The following JARID2 variants were observed in gnomAD, a reference collection of about 807,000 sequenced individuals.
JARID2 encodes the protein protein Jumonji.
In JARID2, 21 loss-of-function variants were observed where a neutral mutation model predicts 125.6. The ratio of observed to expected loss-of-function variants is 0.17; its 90% CI spans 0.12 to 0.24. The LOEUF (loss-of-function observed/expected upper bound fraction) is 0.24, where lower values mean the gene tolerates loss of function less well. JARID2 is among the 10% of genes least tolerant of loss of function. The pLI is 1.00. For synonymous variants in JARID2, 736 were observed against 661.6 expected, an observed-to-expected ratio of 1.11 and a Z score of -1.73; for missense variants, 1,303 against 1,639.6, an observed-to-expected ratio of 0.79 and a Z score of 3.55.
At chr6:15,414,638 C>T (rs1406875904) in intron 3 of JARID2, among the ~76,000 whole-genome samples, 3 of 152,146 alleles carry the variant, frequency 2.0e-5, no homozygotes, top group Admixed American at 1.3e-4. Flanking sequence ...GCTGTGTTCA[C>T]GGAAAGGGCA....
At chr6:15,420,003 A>G (rs1357820122) in intron 3 of JARID2, among the ~76,000 whole-genome samples, 1 of 152,210 alleles carries the variant, frequency 6.6e-6, no homozygotes, top group African/African-American at 2.4e-5. Context: ...AAGTTGTCCC[A>G]TAGCTCATGT....
At position 15,294,367 on chromosome 6, in the gene JARID2, T is replaced by G. The variant is rs1303505965; in HGVS notation, c.45+47783T>G. ...GCCAGCACACCCGGCTAATTTTTTG[T>G]ATTTTTAGTAGAGATAGGGTTTCAC... On this transcript the variant is annotated intron_variant, in intron 1 of 17. Coordinates refer to ENST00000341776, the MANE Select transcript of JARID2 (RefSeq NM_004973.4). Among the ~76,000 whole-genome samples, 3 of 152,226 alleles carry G rather than the reference T, an allele frequency of 2.0e-5. No individual in the cohort carries two copies. In the East Asian group the frequency reaches 5.8e-4, roughly 29 times the overall value.
chr6:15,478,527 T>C (rs1010973373), intron 5 of JARID2, among the ~76,000 whole-genome samples: 5 of 152,094 alleles, frequency 3.3e-5, no homozygotes, highest in African/African-American at 1.2e-4. Flanking sequence ...CTAACTCGCA[T>C]GTGCATATTT....
intron 2 of JARID2, among the ~76,000 whole-genome samples, chr6:15,390,458 G>T (rs973429449): frequency 6.6e-6 from 1 of 152,128 alleles, no homozygotes; most frequent in African/African-American, 2.4e-5. Flanking sequence ...AGCCTTCTGG[G>T]GTCTCCCTTT....
chr6:15,326,254 G>A (rs989706489), intron 1 of JARID2, among the ~76,000 whole-genome samples: 11 of 152,166 alleles, frequency 7.2e-5, no homozygotes, highest in Non-Finnish European at 1.2e-4. Context: ...ACAGGGTGGA[G>A]TTCAGTGGTG....
At chr6:15,248,915 G>GATGC in intron 1 of JARID2, 1 of 985,710 alleles carries the variant, frequency 1.0e-6, no homozygotes, top group Non-Finnish European at 1.2e-6. Flanking sequence ...AGAGGAGGAA[G>GATGC]ATGCGCTCGG....
chr6:15,449,219 G>A (rs1211995045), intron 3 of JARID2, among the ~76,000 whole-genome samples: 1 of 152,162 alleles, frequency 6.6e-6, no homozygotes, highest in Admixed American at 6.5e-5. Flanking sequence ...CATAGAGATA[G>A]TGGCATTGCC....
intron 3 of JARID2, among the ~76,000 whole-genome samples, chr6:15,435,606 A>G (rs1767167416): frequency 6.6e-6 from 1 of 152,070 alleles, no homozygotes; most frequent in Admixed American, 6.6e-5. Context: ...TTCCATCAGT[A>G]ATTTCTTGTT....
chr6:15,360,914 T>G (rs563698403), intron 1 of JARID2, among the ~76,000 whole-genome samples: 1 of 152,382 alleles, frequency 6.6e-6, no homozygotes, highest in Admixed American at 6.5e-5. Flanking sequence ...CTCCTGACTT[T>G]TAAATCAATA....
intron 1 of JARID2, among the ~76,000 whole-genome samples, chr6:15,302,153 T>C (rs567774404): frequency 2.0e-5 from 3 of 152,322 alleles, no homozygotes; most frequent in South Asian, 2.1e-4. Context: ...CAGTGGCTCA[T>C]GCCTGTAATC....
chr6:15,311,287 G>T (rs188477116), intron 1 of JARID2, among the ~76,000 whole-genome samples: 2 of 152,172 alleles, frequency 1.3e-5, no homozygotes, highest in East Asian at 3.9e-4. Context: ...ATTAGAAAAA[G>T]TCTGAAGAGG....
At chr6:15,318,109 C>G (rs190627683) in intron 1 of JARID2, among the ~76,000 whole-genome samples, 1 of 152,098 alleles carries the variant, frequency 6.6e-6, no homozygotes, top group Non-Finnish European at 1.5e-5. Flanking sequence ...ACTGGGGAGG[C>G]TGAGGCAGGA....
At position 15,452,047 on chromosome 6, in the gene JARID2, C is replaced by T. The variant is rs770962845; in HGVS notation, c.365C>T (p.Pro122Leu). The T allele has an allele frequency of 3.5e-5, 56 of 1,613,878 alleles. No homozygotes were observed. The South Asian group carries it at 5.5e-4, about 16-fold the overall frequency. Residue 122 changes from proline (P) to leucine (L), a missense_variant, in exon 4 of 18, where the codon CCG becomes CTG. Physicochemically the swap from Pro to Leu is moderately conservative, Grantham distance 98. This residue lies in a region of JARID2 where 42 missense variants were observed against 35.7 expected (regional missense o/e 1.18). Coordinates refer to ENST00000341776, the MANE Select transcript of JARID2 (RefSeq NM_004973.4). ...QAQRKFAQSQ[P>L]NSPSTTPVKI... ...CAAAGGAAGTTTGCTCAGTCTCAGC[C>T]GAATAGTCCCAGCACAACTCCAGTA... is the stretch of plus-strand genomic sequence containing the variant.
At chr6:15,440,781 A>C (rs1341894664) in intron 3 of JARID2, among the ~76,000 whole-genome samples, 1 of 152,238 alleles carries the variant, frequency 6.6e-6, no homozygotes, top group East Asian at 1.9e-4. Flanking sequence ...AAACAGTCAG[A>C]AGGTGGAGGA....
rs573773858 is a variant in JARID2, at chr6:15,512,339, C to A, written c.3084C>A (p.Thr1028=). The part of the protein sequence containing the change: ...KVCCGYSVSE[T]VHFATTQWTS... ...GCTGTGGGTACAGCGTGTCTGAAAC[C>A]GTGCACTTTGCTACCACCCAGTGGA... The change falls in exon 14 of 18, where the codon ACC becomes ACA. Residue 1028 remains threonine (T), a synonymous_variant. Coordinates refer to ENST00000341776, the MANE Select transcript of JARID2 (RefSeq NM_004973.4). The A allele has an allele frequency of 6.2e-7, 1 of 1,614,188 alleles. No homozygotes were observed. The highest frequency in any genetic ancestry group is 2.2e-5 in the East Asian group (1 of 44,866).
intron 1 of JARID2, among the ~76,000 whole-genome samples, chr6:15,340,702 A>C (rs1407685002): frequency 6.6e-6 from 1 of 152,212 alleles, no homozygotes; most frequent in Non-Finnish European, 1.5e-5. Context: ...AGTTAGATTT[A>C]TGAAGCTGAG....
At chr6:15,418,935 T>C (rs144538209) in intron 3 of JARID2, among the ~76,000 whole-genome samples, 3,194 of 152,324 alleles carry the variant, frequency 0.021, 43 homozygotes, top group Middle Eastern at 0.034. Flanking sequence ...TAAAATACTT[T>C]TATTTACTTC....
intron 2 of JARID2, among the ~76,000 whole-genome samples, chr6:15,377,931 G>T (rs1341732924): frequency 6.6e-6 from 1 of 150,596 alleles, no homozygotes; most frequent in African/African-American, 2.4e-5. Flanking sequence ...CTGTTGCCTG[G>T]CTGGAGTACA....
rs567826787 is a variant in JARID2 at position 15,390,964 on chromosome 6, G to A, written c.181+16712G>A. On this transcript the variant is annotated intron_variant, in intron 2 of 17. Transcript: ENST00000341776. Reference sequence around the variant, plus strand: ...GGATACTAATTTTTTTTCCTCAGAGGTGGTATTCTTACGATGAATGCAGTT... The same window carrying A: ...GGATACTAATTTTTTTTCCTCAGAGATGGTATTCTTACGATGAATGCAGTT... Among the ~76,000 whole-genome samples the A allele has an allele frequency of 2.6e-5, 4 of 152,258 alleles. No homozygotes were observed. The South Asian group carries it at 8.3e-4, about 32-fold the overall frequency.
Sources: allele counts gnomAD v4.1 joint callset (sites outside exome capture counted in the v4.1 genomes callset), GRCh38; gene constraint gnomAD v4.1.1; regional missense constraint gnomAD v4.1.1; transcripts MANE v1.5; gene names NCBI Gene and HGNC (gene_info 2026-07-23, HGNC 2026-07-21).